The following NCAM2 variants were observed in gnomAD, a reference collection of about 807,000 sequenced individuals.
NCAM2 encodes the protein neural cell adhesion molecule 2.
NCAM2 carries 30 observed loss-of-function variants against 98.1 expected under a neutral mutation model. The observed-to-expected ratio is 0.31, with a 90% CI of 0.23 to 0.41. The LOEUF is 0.41. NCAM2 is among the 10% of genes least tolerant of loss of function. The pLI is 1.00. For missense variants in NCAM2, 867 were observed against 1,005.8 expected (o/e 0.86, Z 1.87); for synonymous variants, 368 against 342.4 (o/e 1.07, Z -0.83).
At chr21:21,518,988 G>C (rs1259376273) in intron 16 of NCAM2, among the ~76,000 whole-genome samples, 1 of 152,094 alleles carries the variant, frequency 6.6e-6, no homozygotes, top group Non-Finnish European at 1.5e-5. Context: ...TGGGTAATAA[G>C]GAGCTGGTAA....
chr21:21,365,324 T>C (rs955092766), intron 8 of NCAM2, among the ~76,000 whole-genome samples: 4 of 151,804 alleles, frequency 2.6e-5, no homozygotes, highest in African/African-American at 9.7e-5. Flanking sequence ...GAACTGTTGC[T>C]TTGGTTGTGT....
intron 16 of NCAM2, among the ~76,000 whole-genome samples, chr21:21,528,697 G>T (rs1279847638): frequency 6.6e-6 from 1 of 151,940 alleles, no homozygotes; most frequent in Non-Finnish European, 1.5e-5. Context: ...TAATAAACAA[G>T]GTTTACCTTC....
intron 8 of NCAM2, among the ~76,000 whole-genome samples, chr21:21,370,414 T>A: frequency 6.6e-6 from 1 of 151,924 alleles, no homozygotes; most frequent in Non-Finnish European, 1.5e-5. Context: ...ATCAAATGTT[T>A]CAAACATCTT....
intron 1 of NCAM2, among the ~76,000 whole-genome samples, chr21:21,068,458 A>AT (rs566218063): frequency 0.097 from 10,929 of 112,426 alleles, 627 homozygotes; most frequent in East Asian, 0.2. Flanking sequence ...ATGGTATTGC[A>AT]TTTTTTTTTT....
intron 1 of NCAM2, among the ~76,000 whole-genome samples, chr21:21,082,281 C>CAAAAAAAAAAAAAA (rs11384165): frequency 6.3e-5 from 8 of 127,842 alleles, no homozygotes; most frequent in East Asian, 2.3e-4. Flanking sequence ...GAGCTCAAAA[C>CAAAAAAAAAAAAAA]AAAAAAAAAA....
At chr21:21,454,703 C>G (rs1981862325) in intron 12 of NCAM2, among the ~76,000 whole-genome samples, 2 of 151,992 alleles carry the variant, frequency 1.3e-5, no homozygotes, top group South Asian at 4.2e-4. Context: ...TTCAAGATAG[C>G]TTCAGAATGT....
At position 21,526,376 on chromosome 21, in the gene NCAM2, TAATTA is replaced by T. The variant is rs564946079; in HGVS notation, c.2283-8160_2283-8156del. Among the ~76,000 whole-genome samples the T allele has an allele frequency of 6.6e-5, 10 of 152,198 alleles. No homozygotes were observed. In the South Asian group the frequency reaches 2.1e-3, roughly 32 times the overall value. ...TGAAGTTGAAACAAAATTATTATTT[TAATTA>T]GCACCCCGCAAAATTAAATACTCAG... On this transcript the variant is annotated intron_variant, in intron 16 of 17. Coordinates refer to ENST00000400546, the MANE Select transcript of NCAM2 (RefSeq NM_004540.5).
intron 16 of NCAM2, among the ~76,000 whole-genome samples, chr21:21,532,684 C>T (rs531329537): frequency 6.6e-6 from 1 of 152,028 alleles, no homozygotes; most frequent in Non-Finnish European, 1.5e-5. Flanking sequence ...CATCAATAGC[C>T]ACATTTCCAC....
chr21:21,210,012 T>G (rs1429898054), intron 1 of NCAM2, among the ~76,000 whole-genome samples: 2 of 152,200 alleles, frequency 1.3e-5, no homozygotes, highest in Non-Finnish European at 2.9e-5. Context: ...GACTTTCCAT[T>G]GTGGAAGTCA....
At chr21:21,202,758 A>G (rs1360742428) in intron 1 of NCAM2, among the ~76,000 whole-genome samples, 2 of 152,152 alleles carry the variant, frequency 1.3e-5, no homozygotes, top group Non-Finnish European at 2.9e-5. Context: ...AATTTTGAAT[A>G]GGTTGAACTT....
chr21:21,148,245 C>T (rs2067344812), intron 1 of NCAM2, among the ~76,000 whole-genome samples: 1 of 152,190 alleles, frequency 6.6e-6, no homozygotes. Context: ...GTCAAGTTAA[C>T]ACATAAAATT....
At chr21:21,269,525 A>G (rs1206126903) in intron 1 of NCAM2, among the ~76,000 whole-genome samples, 3 of 152,164 alleles carry the variant, frequency 2.0e-5, no homozygotes, top group African/African-American at 7.2e-5. Context: ...TGCTACTGAA[A>G]ACCTACACAT....
chr21:21,163,236 A>G (rs1490091346), intron 1 of NCAM2, among the ~76,000 whole-genome samples: 1 of 152,132 alleles, frequency 6.6e-6, no homozygotes, highest in Non-Finnish European at 1.5e-5. Flanking sequence ...CATTACATTC[A>G]GTGTTGACAG....
intron 1 of NCAM2, among the ~76,000 whole-genome samples, chr21:21,139,212 T>C (rs1398088475): frequency 6.6e-6 from 1 of 151,952 alleles, no homozygotes; most frequent in East Asian, 1.9e-4. Context: ...AGAGCTGGAG[T>C]GAGGCAGCCA....
intron 1 of NCAM2, among the ~76,000 whole-genome samples, chr21:21,023,415 T>C: frequency 6.6e-6 from 1 of 151,650 alleles, no homozygotes; most frequent in East Asian, 1.9e-4. Flanking sequence ...TCCCAGCCAC[T>C]CTGTAGGCTG....
intron 1 of NCAM2, among the ~76,000 whole-genome samples, chr21:21,219,139 AAAAT>A (rs2070031248): frequency 6.6e-6 from 1 of 152,224 alleles, no homozygotes; most frequent in South Asian, 2.1e-4. Flanking sequence ...AAACCTTCTT[AAAAT>A]ATTATGAGAT....
intron 9 of NCAM2, among the ~76,000 whole-genome samples, chr21:21,408,125 C>A (rs558676284): frequency 5.9e-4 from 90 of 152,302 alleles, no homozygotes; most frequent in Middle Eastern, 3.4e-3. Flanking sequence ...CAAATAGATG[C>A]TTCCATTGCC....
chr21:21,037,953 T>C (rs2064830876), intron 1 of NCAM2, among the ~76,000 whole-genome samples: 2 of 152,338 alleles, frequency 1.3e-5, no homozygotes, highest in African/African-American at 4.8e-5. Flanking sequence ...GTAGACAATC[T>C]CAACATTTTG....
intron 1 of NCAM2, among the ~76,000 whole-genome samples, chr21:21,147,772 G>A (rs1030104698): frequency 2.1e-5 from 3 of 144,562 alleles, no homozygotes; most frequent in African/African-American, 7.5e-5. Flanking sequence ...GTGTGCATAT[G>A]CACTGGTGTG....
Sources: gnomAD v4.1 joint callset for allele counts (sites outside exome capture counted in the v4.1 genomes callset) on GRCh38, gnomAD v4.1.1 for gene constraint, MANE v1.5 for transcripts, NCBI Gene and HGNC (gene_info 2026-07-23, HGNC 2026-07-21) for gene names.